Variants in TSHZ2 observed in about 807,000 individuals in gnomAD.
TSHZ2 encodes the protein teashirt zinc finger homeobox 2.
A neutral mutation model predicts 74.4 loss-of-function variants in TSHZ2; 21 were observed. That is an observed-to-expected ratio of 0.28 (90% CI 0.20 to 0.41). The LOEUF (loss-of-function observed/expected upper bound fraction) is 0.41. TSHZ2 is among the 10% of genes least tolerant of loss of function. The pLI, the probability that TSHZ2 is intolerant of heterozygous loss-of-function variation, is 1.00. For missense variants in TSHZ2, 1,244 were observed against 1,293.5 expected, an observed-to-expected ratio of 0.96 and a Z score of 0.59; for synonymous variants, 540 against 515.3, an observed-to-expected ratio of 1.05 and a Z score of -0.65.
chr20:53,434,712 A>C (rs558427160), intron 2 of TSHZ2, among the ~76,000 whole-genome samples: 1 of 152,356 alleles, frequency 6.6e-6, no homozygotes, highest in Admixed American at 6.5e-5. Flanking sequence ...AGCAGACACC[A>C]TTAGACTCTG....
intron 1 of TSHZ2, among the ~76,000 whole-genome samples, chr20:53,055,218 GT>G (rs1466828800): frequency 5.3e-5 from 8 of 152,240 alleles, no homozygotes; most frequent in Admixed American, 2.0e-4. Flanking sequence ...CATCAACCTG[GT>G]TTTCTTATAA....
chr20:53,053,969 C>T (rs1468545457), intron 1 of TSHZ2, among the ~76,000 whole-genome samples: 1 of 152,130 alleles, frequency 6.6e-6, no homozygotes, highest in Non-Finnish European at 1.5e-5. Flanking sequence ...AGTTCTTGAC[C>T]ACGTATCCAA....
chr20:53,298,744 G>A lies in TSHZ2; in HGVS notation c.*8+42173G>A, dbSNP rs75926646. 4.5e-3 allele frequency among the ~76,000 whole-genome samples: 691 copies of A among 152,334 alleles called. 6 individuals carry two copies. Among genetic ancestry groups the A allele is most frequent in the African/African-American group, 0.016 (672 of 41,576 alleles). On this transcript the variant is annotated intron_variant, in intron 2 of 2. Coordinates refer to ENST00000371497, the MANE Select transcript of TSHZ2 (RefSeq NM_173485.6). ...TGAGAGAACATACTGGGATGCTACT[G>A]AGTGAGGAAAACAATAGCATAGAAG...
At chr20:53,228,134 A>T (rs985366166) in intron 1 of TSHZ2, among the ~76,000 whole-genome samples, 1 of 150,680 alleles carries the variant, frequency 6.6e-6, no homozygotes, top group South Asian at 2.1e-4. Context: ...ACACACACAC[A>T]CACACACACT....
chr20:53,464,658 A>AGG (rs34616389), intron 2 of TSHZ2, among the ~76,000 whole-genome samples: 3 of 152,132 alleles, frequency 2.0e-5, no homozygotes, highest in African/African-American at 7.2e-5. Flanking sequence ...TTGTAGAGAC[A>AGG]GGGTCTTGCT....
rs541522670 is a variant in TSHZ2, at chr20:53,205,619, C to A, written c.41-47880C>A. Reference sequence around the variant, plus strand: ...GTTAGGCCTTTACCTACAGGTTTTTCCTAGACATGAGATCCGAGCATATTT... The same window carrying A: ...GTTAGGCCTTTACCTACAGGTTTTTACTAGACATGAGATCCGAGCATATTT... On this transcript the variant is annotated intron_variant, in intron 1 of 2. Transcript: ENST00000371497. Among the ~76,000 whole-genome samples, 46 of 152,258 alleles carry A rather than the reference C, an allele frequency of 3.0e-4. No homozygotes were observed. In the South Asian group the frequency reaches 8.7e-3, roughly 29 times the overall value.
At chr20:53,372,251 G>T (rs1275986801) in intron 2 of TSHZ2, among the ~76,000 whole-genome samples, 1 of 152,094 alleles carries the variant, frequency 6.6e-6, no homozygotes. Context: ...CAAGGCAGGC[G>T]GACCACTTGA....
chr20:53,210,031 A>G (rs899310686), intron 1 of TSHZ2, among the ~76,000 whole-genome samples: 2 of 152,208 alleles, frequency 1.3e-5, no homozygotes, highest in African/African-American at 4.8e-5. Flanking sequence ...GTTAAGTCGG[A>G]AAGAAGCAAA....
chr20:53,369,710 C>T (rs1981398889), intron 2 of TSHZ2, among the ~76,000 whole-genome samples: 1 of 149,536 alleles, frequency 6.7e-6, no homozygotes, highest in African/African-American at 2.5e-5. Context: ...GACTCTGTCT[C>T]AAAAAAAAGA....
chr20:53,165,622 G>GA (rs1329082497), intron 1 of TSHZ2, among the ~76,000 whole-genome samples: 3 of 152,208 alleles, frequency 2.0e-5, no homozygotes, highest in Non-Finnish European at 2.9e-5. Context: ...GCCTGGGGCA[G>GA]AAAAATAAAG....
At chr20:53,472,449 G>A (rs981583312) in intron 2 of TSHZ2, among the ~76,000 whole-genome samples, 1 of 152,156 alleles carries the variant, frequency 6.6e-6, no homozygotes, top group Non-Finnish European at 1.5e-5. Context: ...GAATACAGAG[G>A]GGTACAGAAT....
At chr20:53,069,697 ACACACACACACACG>A (rs1396167094) in intron 1 of TSHZ2, among the ~76,000 whole-genome samples, 1 of 83,432 alleles carries the variant, frequency 1.2e-5, no homozygotes, top group Non-Finnish European at 3.0e-5. Flanking sequence ...ACACACACAC[ACACACACACACACG>A]CTCAAGTTTC....
intron 1 of TSHZ2, among the ~76,000 whole-genome samples, chr20:53,246,036 C>CTTTTTTTTTTTTTTTTTTT (rs201257665): frequency 2.3e-4 from 29 of 126,760 alleles, no homozygotes; most frequent in African/African-American, 8.9e-4. Flanking sequence ...TTCTTTCTTT[C>CTTTTTTTTTTTTTTTTTTT]TTTCTTTTTT....
At chr20:53,456,101 G>T (rs1406617486) in intron 2 of TSHZ2, among the ~76,000 whole-genome samples, 1 of 150,966 alleles carries the variant, frequency 6.6e-6, no homozygotes, top group Non-Finnish European at 1.5e-5. Flanking sequence ...GGGTCAAATG[G>T]TATTTCTAGT....
chr20:53,461,075 C>G lies in TSHZ2; in HGVS notation c.*9-26069C>G, dbSNP rs6022490. On this transcript the variant is annotated intron_variant, in intron 2 of 2. Coordinates refer to ENST00000371497, the MANE Select transcript of TSHZ2 (RefSeq NM_173485.6). ...GAGCTGTGGTGGGCTCCACCCAGTT[C>G]GAGCTTCCCGGCTGCTTTGTTTACC... Among the ~76,000 whole-genome samples, 328 of 152,048 alleles carry G rather than the reference C, an allele frequency of 2.2e-3. 1 individual carries two copies. The highest frequency in any genetic ancestry group is 2.9e-3 in the African/African-American group (120 of 41,428).
rs1986461089 is a variant in TSHZ2 at position 53,492,041 on chromosome 20, C to T, written c.*4906C>T. On this transcript the variant is annotated 3_prime_UTR_variant, in exon 3 of 3. Transcript: ENST00000371497. ...CCAGGAGAAACTTTTTGGTAAGAAACCTCAAAAAATTTGAACAAAGGCATT... is the reference window on the plus strand; with the variant it reads ...CCAGGAGAAACTTTTTGGTAAGAAATCTCAAAAAATTTGAACAAAGGCATT... The T allele has an allele frequency of 7.0e-6, 1 of 143,600 alleles. No individual in the cohort carries two copies. Among genetic ancestry groups the T allele is most frequent in the Non-Finnish European group, 1.5e-5 (1 of 66,142 alleles). The allele number at this position is 143,600 out of a possible 1,614,324, so 8.9% of individuals were successfully genotyped here.
In TSHZ2 at chr20:53,256,044, G is replaced by C. The variant is rs746681566; in HGVS notation, c.2586G>C (p.Ser862=). Residue 862 remains serine, a synonymous_variant, in exon 2 of 3, where the codon TCG becomes TCC. Coordinates refer to ENST00000371497, the MANE Select transcript of TSHZ2 (RefSeq NM_173485.6). This position sits in a 1 kb window ranked among gnomAD's most constrained non-coding sequence, Gnocchi z 4.3. ...HLLILQAQFA[S]SLFQTSEGKY... ...TGATTCTACAAGCCCAGTTTGCCTC[G>C]AGCCTCTTCCAGACATCAGAGGGCA... 1 of 1,613,438 alleles carries C rather than the reference G, an allele frequency of 6.2e-7. No homozygotes were observed. Among genetic ancestry groups the C allele is most frequent in the Admixed American group, 1.7e-5 (1 of 59,980 alleles).
intron 2 of TSHZ2, among the ~76,000 whole-genome samples, chr20:53,357,564 G>A (rs1004158447): frequency 1.3e-5 from 2 of 151,776 alleles, no homozygotes; most frequent in African/African-American, 4.8e-5. Flanking sequence ...GCTAGTAAAG[G>A]CAAATAATAA....
intron 1 of TSHZ2, among the ~76,000 whole-genome samples, chr20:53,035,580 G>A (rs551481928): frequency 1.6e-4 from 24 of 152,176 alleles, no homozygotes; most frequent in African/African-American, 3.4e-4. Flanking sequence ...TTATTTCCCC[G>A]TAGGAATATA....
Sources: allele counts gnomAD v4.1 joint callset (sites outside exome capture counted in the v4.1 genomes callset), GRCh38; gene constraint gnomAD v4.1.1; non-coding constraint Gnocchi (gnomAD v3.1); transcripts MANE v1.5; gene names NCBI Gene and HGNC (gene_info 2026-07-23, HGNC 2026-07-21).